The following NAV2 variants were observed in gnomAD, a reference collection of about 807,000 sequenced individuals.
The protein encoded by NAV2 is helicase, APC down-regulated 1.
Under a neutral mutation model 223.2 loss-of-function variants are expected in NAV2, and 54 were observed. The observed-to-expected ratio is 0.24, with a 90% CI of 0.19 to 0.30. The LOEUF (loss-of-function observed/expected upper bound fraction) is 0.30. Ranked by LOEUF, NAV2 falls within the 10% of genes least tolerant of loss-of-function variation. NAV2 has a pLI of 1.00. For synonymous variants in NAV2, 1,279 were observed against 1,239.3 expected (o/e 1.03, Z -0.67); for missense variants, 2,806 against 3,147.5 (o/e 0.89, Z 2.60).
chr11:19,801,331 C>T (rs1025566857), intron 1 of NAV2, among the ~76,000 whole-genome samples: 3 of 152,266 alleles, frequency 2.0e-5, no homozygotes, highest in Admixed American at 6.5e-5. Flanking sequence ...CACTGACTGA[C>T]TGGGTCTCCC....
chr11:19,776,184 G>A (rs2056138265), intron 1 of NAV2, among the ~76,000 whole-genome samples: 1 of 152,202 alleles, frequency 6.6e-6, no homozygotes, highest in African/African-American at 2.4e-5. Context: ...AACAAGTTCC[G>A]AGGTCTGGGT....
At chr11:19,710,741 T>C (rs370985554), upstream of NAV2, among the ~76,000 whole-genome samples, 2 of 152,244 alleles carry the variant, frequency 1.3e-5, no homozygotes, top group African/African-American at 4.8e-5. Context: ...AGAACTAGAA[T>C]TCAGGGCAGG....
intron 25 of NAV2, 32 bp from the exon 26 acceptor site, chr11:20,082,975 C>G (rs773943312): frequency 3.8e-6 from 6 of 1,589,236 alleles, no homozygotes; most frequent in Non-Finnish European, 5.1e-6. Flanking sequence ...TTGGTTGCCC[C>G]CGCTGTGAGA....
intron 1 of NAV2, among the ~76,000 whole-genome samples, chr11:19,361,758 T>A (rs965341682): frequency 6.6e-6 from 1 of 152,236 alleles, no homozygotes; most frequent in South Asian, 2.1e-4. Flanking sequence ...TTTGCATTAG[T>A]AGAACATCAC....
intron 10 of NAV2, among the ~76,000 whole-genome samples, chr11:19,963,523 G>C (rs1390311731): frequency 6.6e-6 from 1 of 152,178 alleles, no homozygotes; most frequent in East Asian, 1.9e-4. Context: ...ATTTGAAGGA[G>C]CTATGAAGGG....
chr11:19,552,061 T>C (rs1008661590), intron 1 of NAV2, among the ~76,000 whole-genome samples: 1 of 152,158 alleles, frequency 6.6e-6, no homozygotes, highest in African/African-American at 2.4e-5. Context: ...TGATGAGGCC[T>C]GTGCTCTATG....
chr11:19,348,811 C>T (rs1370087369), upstream of NAV2, among the ~76,000 whole-genome samples: 1 of 152,138 alleles, frequency 6.6e-6, no homozygotes, highest in Non-Finnish European at 1.5e-5. Context: ...AAGTTACTGG[C>T]TCAGGGTCAC....
rs191654718 is a variant in NAV2 at position 19,518,887 on chromosome 11, C to G, written c.75+167860C>G. 5.1e-4 allele frequency among the ~76,000 whole-genome samples: 78 copies of G among 152,222 alleles called. 1 individual carries two copies. Among genetic ancestry groups the G allele is most frequent in the Admixed American group, 4.6e-3 (70 of 15,296 alleles). Reference sequence around the variant, plus strand: ...AGGTAATTAGATCATAAGGGTGGAACCCTCATGAATGGGATCCACATCCTT... The same window carrying G: ...AGGTAATTAGATCATAAGGGTGGAAGCCTCATGAATGGGATCCACATCCTT... On this transcript the variant is annotated intron_variant, in intron 1 of 37. Coordinates refer to the NAV2 transcript ENST00000360655.
chr11:19,813,278 A>G (rs2058933146), intron 1 of NAV2, among the ~76,000 whole-genome samples: 1 of 152,090 alleles, frequency 6.6e-6, no homozygotes, highest in South Asian at 2.1e-4. Context: ...AGGAGTTGGA[A>G]AGCATGTAAG....
At chr11:20,018,144 A>G (rs2054169193) in intron 11 of NAV2, among the ~76,000 whole-genome samples, 1 of 152,132 alleles carries the variant, frequency 6.6e-6, no homozygotes, top group South Asian at 2.1e-4. Flanking sequence ...ACTTGAGATC[A>G]GGAGTTTGAG....
rs895749662 is a variant in NAV2, at chr11:20,079,428, C to T, written c.5180-636C>T. On this transcript the variant is annotated intron_variant, in intron 24 of 37. Coordinates refer to ENST00000349880, the MANE Select transcript of NAV2 (RefSeq NM_145117.5). The stretch of plus-strand genomic sequence containing the variant: ...TTGGTTTGACCCTACAACTAGTGTT[C>T]TCAAAGACCAGCCTTTAGGTGTAGT... Among the ~76,000 whole-genome samples, 19 of 152,182 alleles carry T rather than the reference C, an allele frequency of 1.2e-4. 1 individual carries two copies. The highest frequency in any genetic ancestry group is 1.2e-3 in the Admixed American group (19 of 15,276).
intron 19 of NAV2, among the ~76,000 whole-genome samples, chr11:20,056,241 G>C (rs1480876132): frequency 6.6e-6 from 1 of 152,228 alleles, no homozygotes; most frequent in Non-Finnish European, 1.5e-5. Context: ...TCTCCCTCCT[G>C]GACTTGGGCC....
At chr11:19,500,660 T>C (rs1482018760) in intron 1 of NAV2, among the ~76,000 whole-genome samples, 1 of 152,202 alleles carries the variant, frequency 6.6e-6, no homozygotes, top group Non-Finnish European at 1.5e-5. Flanking sequence ...GAACAGAGTA[T>C]AATTGACTGG....
chr11:20,095,013 G>A (rs1192165428), intron 29 of NAV2, among the ~76,000 whole-genome samples: 1 of 152,190 alleles, frequency 6.6e-6, no homozygotes. Flanking sequence ...AAGATGTTTT[G>A]AGAGTATTCT....
chr11:19,551,614 C>T (rs2044692082), intron 1 of NAV2, among the ~76,000 whole-genome samples: 2 of 152,170 alleles, frequency 1.3e-5, no homozygotes, highest in South Asian at 2.1e-4. Context: ...TTATACACCG[C>T]GTGGTTCAGA....
intron 7 of NAV2, among the ~76,000 whole-genome samples, chr11:19,934,855 G>A (rs946300677): frequency 6.6e-6 from 1 of 151,972 alleles, no homozygotes; most frequent in African/African-American, 2.4e-5. Context: ...CTCATGTTCT[G>A]AGGAGATAAG....
At chr11:20,005,030 G>C (rs2052911462) in intron 11 of NAV2, among the ~76,000 whole-genome samples, 1 of 151,960 alleles carries the variant, frequency 6.6e-6, no homozygotes, top group African/African-American at 2.4e-5. Context: ...GCTATTATTG[G>C]GAAGGAAGTT....
intron 1 of NAV2, among the ~76,000 whole-genome samples, chr11:19,714,827 G>A (rs751203775): frequency 6.6e-6 from 1 of 152,210 alleles, no homozygotes; most frequent in Admixed American, 6.5e-5. Context: ...GGCCAATCAG[G>A]TTCTCTTGGT....
intron 1 of NAV2, among the ~76,000 whole-genome samples, chr11:19,480,832 C>A (rs745571959): frequency 3.3e-5 from 5 of 152,220 alleles, no homozygotes; most frequent in Non-Finnish European, 5.9e-5. Context: ...GGTCCAGGCT[C>A]CCAGACCAGC....
Sources: gnomAD v4.1 joint callset for allele counts (sites outside exome capture counted in the v4.1 genomes callset) on GRCh38, gnomAD v4.1.1 for gene constraint, MANE v1.5 for transcripts, NCBI Gene and HGNC (gene_info 2026-07-23, HGNC 2026-07-21) for gene names.